Variants in ZNF423 observed in about 807,000 individuals in gnomAD.
ZNF423 encodes Ebf-associated zinc finger protein.
A neutral mutation model predicts 95.8 loss-of-function variants in ZNF423; 12 were observed. The ratio of observed to expected loss-of-function variants is 0.13; its 90% CI spans 0.08 to 0.20. ZNF423 has a LOEUF of 0.20. ZNF423 is among the 10% of genes least tolerant of loss of function. ZNF423 has a pLI of 1.00. For missense variants in ZNF423, 1,316 were observed against 1,737.1 expected, an observed-to-expected ratio of 0.76 and a Z score of 4.31; for synonymous variants, 749 against 711.9, an observed-to-expected ratio of 1.05 and a Z score of -0.83.
At chr16:49,668,386 T>A (rs2030641820) in intron 3 of ZNF423, among the ~76,000 whole-genome samples, 1 of 152,206 alleles carries the variant, frequency 6.6e-6, no homozygotes, top group Non-Finnish European at 1.5e-5. Context: ...ATGGGACTCC[T>A]ACCTTCCTTG....
At chr16:49,502,417 A>G (rs1294101283) in intron 7 of ZNF423, among the ~76,000 whole-genome samples, 1 of 152,012 alleles carries the variant, frequency 6.6e-6, no homozygotes, top group Non-Finnish European at 1.5e-5. Flanking sequence ...TGGGTGCGCC[A>G]GGTGCTGGCA....
At chr16:49,832,074 C>CA (rs1259679697) in intron 1 of ZNF423, among the ~76,000 whole-genome samples, 1 of 152,126 alleles carries the variant, frequency 6.6e-6, no homozygotes, top group Non-Finnish European at 1.5e-5. Context: ...GTGGAGGCTC[C>CA]ATAAAGGCAC....
intron 2 of ZNF423, among the ~76,000 whole-genome samples, chr16:49,737,746 G>T (rs187292286): frequency 1.3e-5 from 2 of 152,212 alleles, no homozygotes; most frequent in Non-Finnish European, 2.9e-5. Flanking sequence ...GCAGGGCTTC[G>T]CAAGGTCATG....
intron 2 of ZNF423, among the ~76,000 whole-genome samples, chr16:49,766,861 A>C (rs1359261456): frequency 6.6e-6 from 1 of 152,248 alleles, no homozygotes; most frequent in African/African-American, 2.4e-5. Context: ...ACTGACGCTC[A>C]CAAGTCAAGT....
intron 5 of ZNF423, among the ~76,000 whole-genome samples, chr16:49,577,410 C>T (rs1214225561): frequency 6.6e-6 from 1 of 152,070 alleles, no homozygotes; most frequent in Non-Finnish European, 1.5e-5. Context: ...TGCCTAGTTG[C>T]CCAGAGAGCA....
In ZNF423 at chr16:49,603,296, A is replaced by G. The variant is rs185856306; in HGVS notation, c.3601+22874T>C. On this transcript the variant is annotated intron_variant, in intron 5 of 7. Transcript: ENST00000563137. The surrounding 1 kb of genome is among the most constrained non-coding windows in gnomAD (Gnocchi z 4.1). ...TGTCCTGTGGGGTTCCTGTCACTCA[A>G]AGAATCTTGCCTCCACACAGCACTG... Among the ~76,000 whole-genome samples, 4 of 152,286 alleles carry G rather than the reference A, an allele frequency of 2.6e-5. No homozygotes were observed. Among genetic ancestry groups the G allele is most frequent in the African/African-American group, 7.2e-5 (3 of 41,548 alleles).
intron 5 of ZNF423, among the ~76,000 whole-genome samples, chr16:49,614,823 GA>G (rs759328541): frequency 2.0e-5 from 3 of 152,156 alleles, no homozygotes; most frequent in Non-Finnish European, 4.4e-5. Context: ...AAAAGCCCAG[GA>G]GGGGCTTTAA....
chr16:49,590,871 G>C (rs1389127098), intron 5 of ZNF423, among the ~76,000 whole-genome samples: 1 of 152,180 alleles, frequency 6.6e-6, no homozygotes. Flanking sequence ...TGGCCACTCT[G>C]TCTCCAGAGA....
chr16:49,580,396 C>A (rs1463143114), intron 5 of ZNF423, among the ~76,000 whole-genome samples: 2 of 152,192 alleles, frequency 1.3e-5, no homozygotes, highest in Admixed American at 1.3e-4. Context: ...CCTGTTTATT[C>A]CTGGCTTTCC....
At chr16:49,687,636 G>C (rs980421775) in intron 3 of ZNF423, among the ~76,000 whole-genome samples, 1 of 152,188 alleles carries the variant, frequency 6.6e-6, no homozygotes, top group African/African-American at 2.4e-5. Flanking sequence ...AAAGACATGG[G>C]CACAGAAAAT....
intron 5 of ZNF423, among the ~76,000 whole-genome samples, chr16:49,565,379 A>C (rs973875472): frequency 1.3e-5 from 2 of 152,150 alleles, no homozygotes; most frequent in South Asian, 4.2e-4. Flanking sequence ...CACTCTCCTG[A>C]CCCAACTTCT....
At chr16:49,738,420 C>A (rs1184210011) in intron 2 of ZNF423, among the ~76,000 whole-genome samples, 7 of 152,142 alleles carry the variant, frequency 4.6e-5, no homozygotes, top group African/African-American at 1.4e-4. Flanking sequence ...TGACCTTGAC[C>A]AAGGCAAGTC....
In ZNF423 at chr16:49,638,722, C is replaced by A. The variant is rs1173822448; in HGVS notation, c.454G>T (p.Asp152Tyr). ...TAGCTCAAGCGGATGAAGGACTTGT[C>A]GCAGAACTGGCAAGGGTATGGCAGG... ...TGLPYPCQFC[D>Y]KSFIRLSYLK... Residue 152 changes from aspartate to tyrosine, a missense_variant, in exon 4 of 8, where the codon GAC becomes TAC. By Grantham distance (160) the Asp-to-Tyr change is radical. Coordinates refer to ENST00000563137, the MANE Select transcript of ZNF423 (RefSeq NM_001379286.1). The surrounding 1 kb of genome is among the most constrained non-coding windows in gnomAD (Gnocchi z 5.6). The A allele has an allele frequency of 6.2e-7, 1 of 1,614,138 alleles. No homozygotes were observed. The highest frequency in any genetic ancestry group is 1.1e-5 in the South Asian group (1 of 91,076).
At chr16:49,503,482 C>T (rs1158644476) in intron 7 of ZNF423, among the ~76,000 whole-genome samples, 3 of 152,108 alleles carry the variant, frequency 2.0e-5, no homozygotes, top group African/African-American at 7.2e-5. Context: ...ACACCGCAGC[C>T]CGGAAGCCCC....
intron 1 of ZNF423, among the ~76,000 whole-genome samples, chr16:49,830,184 CAGA>C (rs2035046854): frequency 6.6e-6 from 1 of 152,202 alleles, no homozygotes; most frequent in Non-Finnish European, 1.5e-5. Context: ...AACCTGAGTC[CAGA>C]AGAAGGAGAA....
chr16:49,781,300 G>A (rs1051486119), intron 2 of ZNF423, among the ~76,000 whole-genome samples: 3 of 152,178 alleles, frequency 2.0e-5, no homozygotes, highest in Admixed American at 6.5e-5. Context: ...CAGTCCAAAC[G>A]TCCAACAGGG....
At chr16:49,569,974 G>C (rs770484150) in intron 5 of ZNF423, among the ~76,000 whole-genome samples, 1 of 152,200 alleles carries the variant, frequency 6.6e-6, no homozygotes, top group Non-Finnish European at 1.5e-5. Flanking sequence ...TGCTAAAGGA[G>C]GTGCTGAACT....
intron 5 of ZNF423, among the ~76,000 whole-genome samples, chr16:49,621,886 C>A (rs1199849189): frequency 6.6e-6 from 1 of 152,198 alleles, no homozygotes; most frequent in Non-Finnish European, 1.5e-5. Context: ...CTCCTCTTCT[C>A]CCCCTGCCCT....
chr16:49,695,030 G>A (rs1000832251), intron 3 of ZNF423, among the ~76,000 whole-genome samples: 1 of 152,216 alleles, frequency 6.6e-6, no homozygotes, highest in African/African-American at 2.4e-5. Context: ...CCCACAGCCA[G>A]TCCCTTCCCC....
Sources: gnomAD v4.1 joint callset for allele counts (sites outside exome capture counted in the v4.1 genomes callset) on GRCh38, gnomAD v4.1.1 for gene constraint, Gnocchi (gnomAD v3.1) non-coding constraint, MANE v1.5 for transcripts, NCBI Gene and HGNC (gene_info 2026-07-23, HGNC 2026-07-21) for gene names.